AREL1: variants seen among roughly 807,000 people sequenced by gnomAD.
AREL1 encodes apoptosis-resistant E3 ubiquitin protein ligase 1.
Under a neutral mutation model 99.0 loss-of-function variants are expected in AREL1, and 62 were observed. The observed-to-expected ratio is 0.63, with a 90% CI of 0.51 to 0.77. The LOEUF (loss-of-function observed/expected upper bound fraction) is 0.77, where lower values mean the gene tolerates loss of function less well. Among genes scored for constraint, AREL1 ranks in the 30% least tolerant of loss-of-function variants. AREL1 has a pLI of 0.00. For synonymous variants in AREL1, 380 were observed against 376.5 expected (o/e 1.01, Z -0.11); for missense variants, 879 against 1,027.6 (o/e 0.86, Z 1.98).
intron 2 of AREL1, among the ~76,000 whole-genome samples, chr14:74,686,594 T>C (rs937672701): frequency 1.3e-5 from 2 of 152,214 alleles, no homozygotes; most frequent in Non-Finnish European, 2.9e-5. Flanking sequence ...TTATCAGCAC[T>C]AGAATATTAC....
intron 8 of AREL1, among the ~76,000 whole-genome samples, chr14:74,674,927 G>T (rs1275027220): frequency 6.6e-6 from 1 of 152,044 alleles, no homozygotes; most frequent in Admixed American, 6.6e-5. Flanking sequence ...ATAGGGGAAG[G>T]TCCTCACACA....
At chr14:74,677,035 C>A (rs910206698) in intron 5 of AREL1, among the ~76,000 whole-genome samples, 8 of 151,850 alleles carry the variant, frequency 5.3e-5, no homozygotes, top group Non-Finnish European at 1.2e-4. Flanking sequence ...TCCTGACCTC[C>A]TGATCCGCCC....
chr14:74,670,575 A>C, intron 13 of AREL1, 187 bp downstream of exon 13: 1 of 554,152 alleles, frequency 1.8e-6, no homozygotes, highest in East Asian at 2.9e-5. Flanking sequence ...ATTTTTGCTT[A>C]TTTTACAGAT....
chr14:74,675,900 C>G lies in AREL1; in HGVS notation c.879G>C (p.Val293=). 1.9e-6 allele frequency: 3 copies of G among 1,613,120 alleles called. No homozygotes were observed. Among genetic ancestry groups the G allele is most frequent in the Non-Finnish European group, 2.5e-6 (3 of 1,179,366 alleles). The stretch of plus-strand genomic sequence containing the variant: ...AAAGATAAGCCTCAAAGTAAATGCT[C>G]ACGCCTGAAGTGGACACATTGCGTT... ...IVERNVSTSG[V]SIYFEAYLYN... is the part of the protein sequence containing the mutation. Residue 293 remains valine (V), a synonymous_variant, in exon 8 of 20, where the codon GTG becomes GTC. Coordinates refer to ENST00000356357, the MANE Select transcript of AREL1 (RefSeq NM_001039479.2).
At position 74,669,656 on chromosome 14, in the gene AREL1, A is replaced by C; in HGVS notation, c.1907T>G (p.Leu636Trp). 1 of 1,614,032 alleles carries C rather than the reference A, an allele frequency of 6.2e-7. No individual in the cohort carries two copies. The highest frequency in any genetic ancestry group is 1.3e-5 in the African/African-American group (1 of 75,028). Residue 636 changes from leucine to tryptophan, a missense_variant, in exon 15 of 20, where the codon TTG becomes TGG. Physicochemically the swap from Leu to Trp is moderately conservative, Grantham distance 61 (BLOSUM62 -2). Coordinates refer to ENST00000356357, the MANE Select transcript of AREL1 (RefSeq NM_001039479.2). ...CTTTGTCCTCTTTCTCACCTTATCC[A>C]ATTGACCTGATTTATTATATTTCTC... is the stretch of plus-strand genomic sequence containing the variant. Reference protein sequence around the residue: ...AEEKYNKSGQLDKVVELMTGG... With the variant: ...AEEKYNKSGQWDKVVELMTGG...
intron 2 of AREL1, among the ~76,000 whole-genome samples, chr14:74,689,371 C>T (rs975938046): frequency 1.3e-5 from 2 of 151,996 alleles, no homozygotes; most frequent in African/African-American, 4.8e-5. Flanking sequence ...TTACATACAG[C>T]TCTGAAATGT....
intron 4 of AREL1, among the ~76,000 whole-genome samples, chr14:74,683,811 C>T (rs939683663): frequency 6.6e-6 from 1 of 152,198 alleles, no homozygotes; most frequent in African/African-American, 2.4e-5. Context: ...TTTTAACTTG[C>T]CACTTCTGAA....
At chr14:74,678,848 C>T (rs908822071) in intron 5 of AREL1, among the ~76,000 whole-genome samples, 2 of 152,104 alleles carry the variant, frequency 1.3e-5, no homozygotes, top group African/African-American at 4.8e-5. Context: ...ATTTCTTAGA[C>T]ACCAACAGTT....
At chr14:74,694,667 G>A (rs1257766421) in intron 1 of AREL1, among the ~76,000 whole-genome samples, 1 of 152,102 alleles carries the variant, frequency 6.6e-6, no homozygotes, top group Non-Finnish European at 1.5e-5. Context: ...GGAGAGAATG[G>A]GCAAGTTATC....
At position 74,683,475 on chromosome 14, in the gene AREL1, T is replaced by C. The variant is rs1463131608; in HGVS notation, c.302A>G (p.His101Arg). 1.9e-6 allele frequency: 3 copies of C among 1,613,970 alleles called. No homozygotes were observed. In the African/African-American group the frequency reaches 4.0e-5, roughly 22 times the overall value. ...CACTGCTAGCTCGACATGAGAGATG[T>C]GAACTCTTAGTCCCACAGGCCGATG... ...PAHRPVGLRV[H>R]ISHVELAVEI... The change falls in exon 5 of 20, where the codon CAC becomes CGC. Residue 101 changes from histidine (H) to arginine (R), a missense_variant. Physicochemically the swap from His to Arg is conservative, Grantham distance 29. Coordinates refer to ENST00000356357, the MANE Select transcript of AREL1 (RefSeq NM_001039479.2).
At chr14:74,684,830 G>T in intron 3 of AREL1, 150 bp from the exon 4 acceptor site, 1 of 678,568 alleles carries the variant, frequency 1.5e-6, no homozygotes, top group Admixed American at 2.7e-5. Flanking sequence ...CACTACCTCT[G>T]TAGATAAGAA....
intron 1 of AREL1, among the ~76,000 whole-genome samples, chr14:74,696,491 G>C (rs1194798790): frequency 6.6e-6 from 1 of 152,034 alleles, no homozygotes; most frequent in East Asian, 1.9e-4. Flanking sequence ...TATCCGGGTT[G>C]CTAAAATTAC....
intron 11 of AREL1, 68 bp downstream of exon 11, chr14:74,672,763 A>G (rs919451353): frequency 6.3e-7 from 1 of 1,599,110 alleles, no homozygotes; most frequent in African/African-American, 1.4e-5. Flanking sequence ...AAAAACAGTA[A>G]CCTGCAGAAT....
chr14:74,678,194 T>TTA (rs1316553247), intron 5 of AREL1: 6 of 454,860 alleles, frequency 1.3e-5, no homozygotes, highest in African/African-American at 1.2e-4. Flanking sequence ...TCAAGACTTA[T>TTA]TATAAGAGCT....
At chr14:74,702,577 T>A (rs1315480656) in intron 1 of AREL1, among the ~76,000 whole-genome samples, 1 of 152,202 alleles carries the variant, frequency 6.6e-6, no homozygotes, top group African/African-American at 2.4e-5. Context: ...TGGGAGTGGC[T>A]GCTATGAAAA....
Position 74,676,723 on chromosome 14 carries a change from C to A in AREL1, c.511G>T (p.Val171Leu). The change falls in exon 6 of 20, where the codon GTG (valine) becomes TTG (leucine). Residue 171 changes from valine (V) to leucine (L), a missense_variant. Coordinates refer to ENST00000356357, the MANE Select transcript of AREL1 (RefSeq NM_001039479.2). ...AATACAAGAGTAGAAAAGTGGCACA[C>A]AATTTTGGTCTTAGAAGGAACCACC... ...GMVVPSKTKIVCHFSTLVLTC... is the reference protein window; with the variant it reads ...GMVVPSKTKILCHFSTLVLTC... 1 of 1,610,318 alleles carries A rather than the reference C, an allele frequency of 6.2e-7. No homozygotes were observed. Among genetic ancestry groups the A allele is most frequent in the Non-Finnish European group, 8.5e-7 (1 of 1,178,136 alleles).
chr14:74,684,348 G>A, intron 4 of AREL1, 106 bp downstream of exon 4: 1 of 1,007,190 alleles, frequency 9.9e-7, no homozygotes, highest in Non-Finnish European at 1.5e-6. Flanking sequence ...CCTGGAGGGA[G>A]TTGAAAAACA....
intron 2 of AREL1, among the ~76,000 whole-genome samples, chr14:74,688,823 ATTTTAT>A (rs369600809): frequency 0.03 from 4,469 of 151,252 alleles, 142 homozygotes; most frequent in African/African-American, 0.078. Flanking sequence ...AAGCCCTTCT[ATTTTAT>A]TTTTATTTTT....
At chr14:74,666,269 T>C (rs2089207133) in intron 17 of AREL1, among the ~76,000 whole-genome samples, 1 of 152,218 alleles carries the variant, frequency 6.6e-6, no homozygotes, top group Non-Finnish European at 1.5e-5. Flanking sequence ...TCATAGAAAC[T>C]ACGGGAATTT....
Sources: gnomAD v4.1 joint callset for allele counts (sites outside exome capture counted in the v4.1 genomes callset) on GRCh38, gnomAD v4.1.1 for gene constraint, MANE v1.5 for transcripts, NCBI Gene and HGNC (gene_info 2026-07-23, HGNC 2026-07-21) for gene names.